The following PI4KB variants were observed in gnomAD, a reference collection of about 807,000 sequenced individuals.
PI4KB encodes PtdIns 4-kinase beta.
PI4KB carries 23 observed loss-of-function variants against 81.4 expected under a neutral mutation model. The ratio of observed to expected loss-of-function variants is 0.28; its 90% CI spans 0.20 to 0.40. The LOEUF (loss-of-function observed/expected upper bound fraction) is 0.40. PI4KB is among the 10% of genes least tolerant of loss of function. The pLI is 1.00. For missense variants in PI4KB, 651 were observed against 1,036.6 expected (o/e 0.63, Z 5.11); for synonymous variants, 381 against 406.8 (o/e 0.94, Z 0.76).
At chr1:151,299,194 G>A (rs1205626570) in intron 8 of PI4KB, 121 bp from the exon 9 acceptor site, 2 of 891,708 alleles carry the variant, frequency 2.2e-6, no homozygotes, top group South Asian at 3.3e-5. Flanking sequence ...GCCATCAAAT[G>A]AGTAAGACTC....
intron 1 of PI4KB, among the ~76,000 whole-genome samples, chr1:151,316,769 ATGT>A (rs1469480393): frequency 6.6e-6 from 1 of 152,172 alleles, no homozygotes; most frequent in East Asian, 1.9e-4. Flanking sequence ...TATATGTGAA[ATGT>A]TGTTTTGTAT....
In PI4KB at chr1:151,306,343, C is replaced by T; in HGVS notation, c.1203G>A (p.Val401=). The T allele has an allele frequency of 6.2e-7, 1 of 1,613,602 alleles. No homozygotes were observed. The highest frequency in any genetic ancestry group is 8.5e-7 in the Non-Finnish European group (1 of 1,179,546). The change falls in exon 5 of 12, where the codon GTG becomes GTA. Residue 401 remains valine, a synonymous_variant. Transcript: ENST00000368873. The part of the protein sequence containing the change: ...SKDKAPYLIY[V]EVLECENFDT... ...CAAAGTTTTCACATTCAAGGACTTC[C>T]ACATAAATCAGGTAGGGAGCCTGGG...
At chr1:151,311,410 A>G (rs1474593640) in intron 2 of PI4KB, among the ~76,000 whole-genome samples, 1 of 152,218 alleles carries the variant, frequency 6.6e-6, no homozygotes, top group Non-Finnish European at 1.5e-5. Context: ...TTTCAGTTCT[A>G]TTCTAGCTGG....
chr1:151,303,633 G>A lies in PI4KB; in HGVS notation c.1428C>T (p.Thr476=). ...ACTGGGAGATGTTGTCACAGCTGTTGGTATGCACTTCGGGGAGCTGGAGAA... is the reference window on the plus strand; with the variant it reads ...ACTGGGAGATGTTGTCACAGCTGTTAGTATGCACTTCGGGGAGCTGGAGAA... ...ELQVELPEVH[T]NSCDNISQFS... Residue 476 remains threonine, a synonymous_variant, in exon 6 of 12, where the codon ACC becomes ACT. Transcript: ENST00000368873. 1.2e-6 allele frequency: 2 copies of A among 1,613,470 alleles called. No individual in the cohort carries two copies. Among genetic ancestry groups the A allele is most frequent in the South Asian group, 1.1e-5 (1 of 91,056 alleles).
chr1:151,316,288 C>T lies in PI4KB; in HGVS notation c.194G>A (p.Gly65Asp). Residue 65 changes from glycine (G) to aspartate (D), a missense_variant, in exon 2 of 12, where the codon GGC becomes GAC. Physicochemically the swap from Gly to Asp is moderately conservative, Grantham distance 94 (BLOSUM62 -1). Transcript: ENST00000368873. ...GGTGCCTCTGCTAGAGACTGCCACG[C>T]CTCCATGCAAAAGCTTGACTTTCTC... Reference protein sequence around the residue: ...VLEKVKLLHGGVAVSSRGTPL... With the variant: ...VLEKVKLLHGDVAVSSRGTPL... 5 of 1,614,192 alleles carry T rather than the reference C, an allele frequency of 3.1e-6. No individual in the cohort carries two copies. The highest frequency in any genetic ancestry group is 3.4e-6 in the Non-Finnish European group (4 of 1,180,030).
At chr1:151,315,397 G>A (rs1647771052) in intron 2 of PI4KB, among the ~76,000 whole-genome samples, 176 bp downstream of exon 2, 1 of 152,128 alleles carries the variant, frequency 6.6e-6, no homozygotes, top group Non-Finnish European at 1.5e-5. Context: ...TGTAAACTAA[G>A]GCAGGCAAAA....
At chr1:151,315,255 G>C (rs2101989713) in intron 2 of PI4KB, among the ~76,000 whole-genome samples, 1 of 152,304 alleles carries the variant, frequency 6.6e-6, no homozygotes, top group Non-Finnish European at 1.5e-5. Context: ...GGGATTACAA[G>C]CGTGAGCCAC....
chr1:151,325,078 G>A (rs546011394), intron 1 of PI4KB, among the ~76,000 whole-genome samples: 7 of 148,858 alleles, frequency 4.7e-5, no homozygotes, highest in Non-Finnish European at 8.9e-5. Flanking sequence ...TGCAACCTTC[G>A]CCTCCTGGGT....
At chr1:151,321,341 G>A (rs1648814024) in intron 1 of PI4KB, among the ~76,000 whole-genome samples, 1 of 151,856 alleles carries the variant, frequency 6.6e-6, no homozygotes, top group Admixed American at 6.6e-5. Flanking sequence ...TAGGGAATAG[G>A]GTTAAATTGC....
At chr1:151,319,981 T>C (rs1169462537) in intron 1 of PI4KB, among the ~76,000 whole-genome samples, 1 of 152,204 alleles carries the variant, frequency 6.6e-6, no homozygotes, top group Non-Finnish European at 1.5e-5. Flanking sequence ...GGGAGGCTGT[T>C]TTCCACCACC....
Position 151,293,037 on chromosome 1 carries a change from G to A in PI4KB, c.2270-4C>T, listed in dbSNP as rs1484696029. 2 of 1,613,772 alleles carry A rather than the reference G, an allele frequency of 1.2e-6. No individual in the cohort carries two copies. Among genetic ancestry groups the A allele is most frequent in the East Asian group, 4.5e-5 (2 of 44,868 alleles). On this transcript the variant is annotated splice_polypyrimidine_tract_variant and splice_region_variant and intron_variant, in intron 11 of 11. Coordinates refer to ENST00000368873, the MANE Select transcript of PI4KB (RefSeq NM_001369623.2). ...TGGAAGCAAGGAAGCTGAGAACCTG[G>A]GGGAAGCAGTCGGAGTTCAGGGTCA...
intron 5 of PI4KB, among the ~76,000 whole-genome samples, chr1:151,304,839 T>C (rs1695617888): frequency 6.6e-6 from 1 of 151,796 alleles, no homozygotes; most frequent in Non-Finnish European, 1.5e-5. Context: ...CTTTTTTTTT[T>C]TTTTCTTTTG....
intron 1 of PI4KB, among the ~76,000 whole-genome samples, chr1:151,319,314 C>T (rs143324055): frequency 1.3e-4 from 20 of 151,748 alleles, no homozygotes; most frequent in African/African-American, 4.8e-4. Flanking sequence ...AAAAGAAATG[C>T]TAGTTGAATC....
At chr1:151,320,892 G>A (rs1300904953) in intron 1 of PI4KB, among the ~76,000 whole-genome samples, 1 of 152,172 alleles carries the variant, frequency 6.6e-6, no homozygotes. Flanking sequence ...GCTCCTAGAA[G>A]TACACTTTTC....
chr1:151,294,329 A>G, intron 10 of PI4KB, 80 bp downstream of exon 10: 1 of 1,542,144 alleles, frequency 6.5e-7, no homozygotes, highest in Non-Finnish European at 8.8e-7. Flanking sequence ...CCTAATTTGC[A>G]GGGAGCCCAT....
intron 8 of PI4KB, among the ~76,000 whole-genome samples, chr1:151,299,363 G>A (rs1022933670): frequency 6.6e-6 from 1 of 152,088 alleles, no homozygotes; most frequent in African/African-American, 2.4e-5. Flanking sequence ...CAAGCAGGGA[G>A]AATGGGAGCT....
intron 3 of PI4KB, among the ~76,000 whole-genome samples, chr1:151,308,616 T>G (rs1363224780): frequency 6.6e-6 from 1 of 152,102 alleles, no homozygotes; most frequent in African/African-American, 2.4e-5. Context: ...CTGCTGTGAG[T>G]TTGGCTCCTT....
At chr1:151,317,055 A>G (rs1398062444) in intron 1 of PI4KB, among the ~76,000 whole-genome samples, 1 of 151,796 alleles carries the variant, frequency 6.6e-6, no homozygotes, top group East Asian at 1.9e-4. Context: ...TCCATCTCCC[A>G]ACCTCATGAT....
intron 9 of PI4KB, among the ~76,000 whole-genome samples, chr1:151,295,947 T>A (rs587610806): frequency 6.6e-6 from 1 of 152,256 alleles, no homozygotes; most frequent in Non-Finnish European, 1.5e-5. Context: ...AAATTCCTTA[T>A]AAATAATTGC....
Sources: allele counts gnomAD v4.1 joint callset (sites outside exome capture counted in the v4.1 genomes callset), GRCh38; gene constraint gnomAD v4.1.1; transcripts MANE v1.5; gene names NCBI Gene and HGNC (gene_info 2026-07-23, HGNC 2026-07-21).